The following M1AP variants were observed in gnomAD, a reference collection of about 807,000 sequenced individuals.
M1AP encodes meiosis 1 arrest protein.
In M1AP, 39 loss-of-function variants were observed where a neutral mutation model predicts 51.2. That is an observed-to-expected ratio of 0.76 (90% CI 0.59 to 1.00). M1AP has a LOEUF of 1.00. M1AP is among the 50% of genes least tolerant of loss of function. The pLI is 0.00. For missense variants in M1AP, 545 were observed against 641.2 expected (o/e 0.85, Z 1.62); for synonymous variants, 251 against 249.2 (o/e 1.01, Z -0.07).
chr2:74,618,742 C>T lies in M1AP; in HGVS notation c.241-3593G>A, dbSNP rs1334560417. 5 of 229,982 alleles carry T rather than the reference C, an allele frequency of 2.2e-5. No homozygotes were observed. In the East Asian group the frequency reaches 6.0e-4, roughly 28 times the overall value. The allele number at this position is 229,982 out of a possible 1,614,324, so 14.2% of individuals were successfully genotyped here. Reference sequence around the variant, plus strand: ...TAGAAACTTCTATATCCCGAAAGTTCACAGGTGCAAATGTGCCAAACCCCA... The same window carrying T: ...TAGAAACTTCTATATCCCGAAAGTTTACAGGTGCAAATGTGCCAAACCCCA... On this transcript the variant is annotated intron_variant, in intron 2 of 10. Coordinates refer to ENST00000421985, the MANE Select transcript of M1AP (RefSeq NM_001321739.2).
At chr2:74,559,882 G>C (rs1677785920) in intron 9 of M1AP, among the ~76,000 whole-genome samples, 173 bp from the exon 10 acceptor site, 1 of 152,178 alleles carries the variant, frequency 6.6e-6, no homozygotes, top group Non-Finnish European at 1.5e-5. Context: ...TAGCCAGTTT[G>C]CTTAATGGGA....
At position 74,562,379 on chromosome 2, in the gene M1AP, T is replaced by C. The variant is rs780099442; in HGVS notation, c.1119A>G (p.Pro373=). ...TGGCAGGAATTCTCTGGCTGTGTCC[T>C]GGGCCCGGTGGTTCCCCCTTGGCTA... ...LLLAKGEPPG[P]GHSQRIPAST... Residue 373 remains proline (P), a synonymous_variant, in exon 8 of 11, where the codon CCA becomes CCG. Coordinates refer to ENST00000421985, the MANE Select transcript of M1AP (RefSeq NM_001321739.2). 6.2e-6 allele frequency: 10 copies of C among 1,614,270 alleles called. No homozygotes were observed. Among genetic ancestry groups the C allele is most frequent in the Non-Finnish European group, 8.5e-6 (10 of 1,180,038 alleles).
At chr2:74,570,000 G>A (rs1678631593) in intron 7 of M1AP, among the ~76,000 whole-genome samples, 1 of 151,868 alleles carries the variant, frequency 6.6e-6, no homozygotes, top group Non-Finnish European at 1.5e-5. Context: ...TTTGAGAAAT[G>A]TCATTATGGG....
At chr2:74,625,329 T>C (rs1682318331) in intron 2 of M1AP, among the ~76,000 whole-genome samples, 2 of 152,224 alleles carry the variant, frequency 1.3e-5, no homozygotes, top group Admixed American at 6.5e-5. Flanking sequence ...CTCTACATGA[T>C]ATGAGAAGCA....
rs762618694 is a variant in M1AP at position 74,558,790 on chromosome 2, G to A, written c.1519C>T (p.Pro507Ser). Residue 507 changes from proline (P) to serine (S), a missense_variant, in exon 11 of 11, where the codon CCA becomes TCA. Pro to Ser is a moderately conservative substitution (Grantham distance 74, BLOSUM62 -1). Coordinates refer to ENST00000421985, the MANE Select transcript of M1AP (RefSeq NM_001321739.2). ...TPVPGRASKM[P>S]AASKSSSDAF... ...TCTGAGGAAGATTTGCTGGCTGCTG[G>A]CATCTTGGAGGCTCTGCCTGGGACA... 1 of 1,611,886 alleles carries A rather than the reference G, an allele frequency of 6.2e-7. No homozygotes were observed. Among genetic ancestry groups the A allele is most frequent in the South Asian group, 1.1e-5 (1 of 90,494 alleles).
intron 7 of M1AP, among the ~76,000 whole-genome samples, chr2:74,566,531 G>A (rs768995883): frequency 6.6e-6 from 1 of 152,112 alleles, no homozygotes; most frequent in African/African-American, 2.4e-5. Flanking sequence ...TAGTGTGACT[G>A]GGGGGAAGAT....
intron 3 of M1AP, among the ~76,000 whole-genome samples, chr2:74,611,896 T>TG (rs1553415005): frequency 4.8e-5 from 4 of 83,030 alleles, no homozygotes; most frequent in African/African-American, 1.3e-4. Flanking sequence ...TTTTTTTTTT[T>TG]TTTTTTTTTT....
At chr2:74,574,316 A>T (rs1678926077) in intron 7 of M1AP, among the ~76,000 whole-genome samples, 1 of 152,232 alleles carries the variant, frequency 6.6e-6, no homozygotes, top group African/African-American at 2.4e-5. Flanking sequence ...GTCAGAAACC[A>T]TGCAGTTATT....
rs1055417835 is a variant in M1AP, at chr2:74,601,696, T to C, written c.595+5359A>G. ...ATTTATACAGTTAGAAGAAAATATA[T>C]AATAGGCTATATGGTTAAAATTTAT... On this transcript the variant is annotated intron_variant, in intron 4 of 10. Transcript: ENST00000421985. Among the ~76,000 whole-genome samples, 65 of 152,232 alleles carry C rather than the reference T, an allele frequency of 4.3e-4. 1 individual carries two copies. The highest frequency in any genetic ancestry group is 1.5e-3 in the African/African-American group (61 of 41,578).
At chr2:74,619,803 G>A (rs956391043) in intron 2 of M1AP, among the ~76,000 whole-genome samples, 9 of 152,094 alleles carry the variant, frequency 5.9e-5, no homozygotes, top group Admixed American at 2.0e-4. Flanking sequence ...CACAGTGCCC[G>A]AGACCAATGC....
intron 2 of M1AP, among the ~76,000 whole-genome samples, chr2:74,622,402 CT>C (rs989863851): frequency 3.3e-5 from 5 of 151,874 alleles, no homozygotes; most frequent in Non-Finnish European, 7.4e-5. Flanking sequence ...CCATGCCTGG[CT>C]TTTTTTGTAT....
chr2:74,558,910 C>A, intron 10 of M1AP, 36 bp from the exon 11 acceptor site: 2 of 1,554,814 alleles, frequency 1.3e-6, no homozygotes. Context: ...CTCTGAAGAT[C>A]AGAGTTTCTG....
chr2:74,581,615 A>G (rs1573091909), intron 5 of M1AP, 59 bp downstream of exon 5: 3 of 1,534,394 alleles, frequency 2.0e-6, no homozygotes, highest in Admixed American at 1.7e-5. Flanking sequence ...CCACCAATCT[A>G]GAGTCCTGAT....
chr2:74,567,591 T>C (rs1036187974), intron 7 of M1AP, among the ~76,000 whole-genome samples: 3 of 152,356 alleles, frequency 2.0e-5, no homozygotes, highest in Non-Finnish European at 4.4e-5. Flanking sequence ...TTAGTAGCTG[T>C]GAAGTGTTTA....
rs764374256 is a variant in M1AP at position 74,625,790 on chromosome 2, C to G, written c.241-10641G>C. ...TGGCCTAGTAATCGCCTTTCTGCAG[C>G]CCTTTCAACATGGACACCATATGAT... On this transcript the variant is annotated intron_variant, in intron 2 of 10. Coordinates refer to ENST00000421985, the MANE Select transcript of M1AP (RefSeq NM_001321739.2). Among the ~76,000 whole-genome samples the G allele has an allele frequency of 2.6e-5, 4 of 152,340 alleles. No homozygotes were observed. The East Asian group carries it at 7.7e-4, about 29-fold the overall frequency.
intron 8 of M1AP, 115 bp downstream of exon 8, chr2:74,562,102 A>G: frequency 6.8e-7 from 1 of 1,479,068 alleles, no homozygotes; most frequent in South Asian, 1.5e-5. Context: ...TTACTCTCTT[A>G]CCACACTCCT....
chr2:74,585,282 A>G (rs963000928), intron 4 of M1AP, among the ~76,000 whole-genome samples: 8 of 152,194 alleles, frequency 5.3e-5, no homozygotes, highest in African/African-American at 1.9e-4. Flanking sequence ...ATGTGGACTC[A>G]GTGATGTGTC....
At chr2:74,629,168 T>C (rs1314932015) in intron 2 of M1AP, among the ~76,000 whole-genome samples, 1 of 152,236 alleles carries the variant, frequency 6.6e-6, no homozygotes, top group African/African-American at 2.4e-5. Context: ...GAGATGAACA[T>C]GATCATAAGA....
chr2:74,639,378 T>C (rs1683164730), intron 2 of M1AP, among the ~76,000 whole-genome samples: 1 of 152,224 alleles, frequency 6.6e-6, no homozygotes, highest in Non-Finnish European at 1.5e-5. Context: ...GCATAGAACC[T>C]CTGGAAGTCT....
Sources: gnomAD v4.1 joint callset for allele counts (sites outside exome capture counted in the v4.1 genomes callset) on GRCh38, gnomAD v4.1.1 for gene constraint, MANE v1.5 for transcripts, NCBI Gene and HGNC (gene_info 2026-07-23, HGNC 2026-07-21) for gene names.